The following GBF1 variants were observed in gnomAD, a reference collection of about 807,000 sequenced individuals.
GBF1 encodes the protein Golgi-specific brefeldin A-resistance guanine nucleotide exchange factor 1.
GBF1 carries 114 observed loss-of-function variants against 210.5 expected under a neutral mutation model. The ratio of observed to expected loss-of-function variants is 0.54; its 90% confidence interval spans 0.47 to 0.63. The LOEUF (loss-of-function observed/expected upper bound fraction) is 0.63, where lower values mean the gene tolerates loss of function less well. Ranked by LOEUF, GBF1 falls within the 30% of genes least tolerant of loss-of-function variation. The pLI, the probability that GBF1 is intolerant of heterozygous loss-of-function variation, is 0.00. For synonymous variants in GBF1, 850 were observed against 889.2 expected, an observed-to-expected ratio of 0.96 and a Z score of 0.78; for missense variants, 1,851 against 2,357.7, an observed-to-expected ratio of 0.79 and a Z score of 4.45.
At chr10:102,273,794 T>C (rs2074660293) in intron 3 of GBF1, among the ~76,000 whole-genome samples, 1 of 152,252 alleles carries the variant, frequency 6.6e-6, no homozygotes, top group Admixed American at 6.5e-5. Flanking sequence ...TGAGCCTATT[T>C]GAGTCGTTAT....
At chr10:102,260,239 C>T in intron 3 of GBF1, 123 bp downstream of exon 3, 2 of 536,876 alleles carry the variant, frequency 3.7e-6, no homozygotes, top group Non-Finnish European at 6.7e-6. Flanking sequence ...CTTTGTGGGC[C>T]ATACACAACT....
At chr10:102,374,891 C>T (rs2060406558) in intron 29 of GBF1, among the ~76,000 whole-genome samples, 1 of 152,068 alleles carries the variant, frequency 6.6e-6, no homozygotes, top group African/African-American at 2.4e-5. Flanking sequence ...GTATTTGAGG[C>T]TGGGTGCAGT....
At chr10:102,367,013 C>T in intron 19 of GBF1, 72 bp from the exon 20 acceptor site, 1 of 1,555,840 alleles carries the variant, frequency 6.4e-7, no homozygotes, top group Non-Finnish European at 8.8e-7. Context: ...TAGCACTGAC[C>T]AGTGGGTTGG....
At chr10:102,267,771 T>G (rs2074011819) in intron 3 of GBF1, among the ~76,000 whole-genome samples, 1 of 152,202 alleles carries the variant, frequency 6.6e-6, no homozygotes. Flanking sequence ...AGACAAATTT[T>G]GTGAAGGGCT....
Position 102,379,843 on chromosome 10 carries a change from C to A in GBF1, c.4777-10C>A, listed in dbSNP as rs2060729992. 3 of 1,597,768 alleles carry A rather than the reference C, an allele frequency of 1.9e-6. No homozygotes were observed. Among genetic ancestry groups the A allele is most frequent in the Non-Finnish European group, 2.6e-6 (3 of 1,165,498 alleles). ...CTCATAGGGAGACATTGCACATTTA[C>A]CCCCACCAGGTGCTGTTTCCTCTAC... On this transcript the variant is annotated splice_polypyrimidine_tract_variant and intron_variant, in intron 35 of 39. Transcript: ENST00000369983.
chr10:102,328,418 G>C (rs2134275300), intron 3 of GBF1, among the ~76,000 whole-genome samples: 1 of 152,244 alleles, frequency 6.6e-6, no homozygotes, highest in South Asian at 2.1e-4. Flanking sequence ...AGGATTACTT[G>C]AGAGGTTGCA....
At chr10:102,283,555 C>T (rs1230403502) in intron 3 of GBF1, among the ~76,000 whole-genome samples, 4 of 152,122 alleles carry the variant, frequency 2.6e-5, no homozygotes, top group Non-Finnish European at 2.9e-5. Context: ...TGCTAGGAGG[C>T]TGGGAGGTTG....
chr10:102,262,934 C>T (rs1213059634), intron 3 of GBF1, among the ~76,000 whole-genome samples: 1 of 152,136 alleles, frequency 6.6e-6, no homozygotes, highest in Non-Finnish European at 1.5e-5. Context: ...GCTAAGCTTT[C>T]CCCTGGAGTG....
At chr10:102,318,566 A>G (rs1175946859) in intron 3 of GBF1, among the ~76,000 whole-genome samples, 1 of 152,112 alleles carries the variant, frequency 6.6e-6, no homozygotes, top group Non-Finnish European at 1.5e-5. Context: ...TTTTTTGCTT[A>G]TCACTCTTAA....
the GBF1 span, among the ~76,000 whole-genome samples, chr10:102,237,162 T>A: frequency 6.6e-6 from 1 of 151,790 alleles, no homozygotes; most frequent in Non-Finnish European, 1.5e-5. Flanking sequence ...CTTGTAGGAG[T>A]CTGCAGTGTA....
intron 33 of GBF1, among the ~76,000 whole-genome samples, chr10:102,378,693 T>C (rs2060656917): frequency 6.6e-6 from 1 of 152,062 alleles, no homozygotes; most frequent in Non-Finnish European, 1.5e-5. Flanking sequence ...CCTGTAATCC[T>C]AAAACTTTGG....
chr10:102,294,677 A>G (rs1265363984), intron 3 of GBF1, among the ~76,000 whole-genome samples: 3 of 151,920 alleles, frequency 2.0e-5, no homozygotes, highest in Non-Finnish European at 4.4e-5. Context: ...TGCCCGGCCC[A>G]TTTTGTATCT....
At chr10:102,323,215 A>G (rs892628368) in intron 3 of GBF1, among the ~76,000 whole-genome samples, 3 of 138,320 alleles carry the variant, frequency 2.2e-5, no homozygotes, top group Non-Finnish European at 4.6e-5. Context: ...GACTGTGTAC[A>G]TGGCAGTTTA....
chr10:102,239,521 TA>T, the GBF1 span, among the ~76,000 whole-genome samples: 1 of 152,148 alleles, frequency 6.6e-6, no homozygotes, highest in African/African-American at 2.4e-5. Context: ...TTGATCAAAA[TA>T]GGGCAAATGA....
intron 31 of GBF1, 35 bp downstream of exon 31, chr10:102,376,467 C>G (rs1411621472): frequency 3.1e-6 from 5 of 1,612,532 alleles, no homozygotes; most frequent in Non-Finnish European, 4.2e-6. Flanking sequence ...TGAGTCTCTC[C>G]TGCTTGACCT....
chr10:102,304,129 C>G (rs1207890484), intron 3 of GBF1, among the ~76,000 whole-genome samples: 1 of 152,006 alleles, frequency 6.6e-6, no homozygotes, highest in Non-Finnish European at 1.5e-5. Context: ...AAAAATGGTA[C>G]ATAAGGTTTA....
chr10:102,271,338 A>G (rs948876111), intron 3 of GBF1, among the ~76,000 whole-genome samples: 1 of 151,860 alleles, frequency 6.6e-6, no homozygotes, highest in Non-Finnish European at 1.5e-5. Flanking sequence ...CACCTGGCCC[A>G]TGCCTAGCTA....
chr10:102,368,569 GT>G, intron 22 of GBF1, 115 bp downstream of exon 22: 1 of 838,790 alleles, frequency 1.2e-6, no homozygotes, highest in Non-Finnish European at 1.9e-6. Flanking sequence ...TTCCCCCTGA[GT>G]TTTTGGAGGG....
At chr10:102,354,919 T>C (rs2059205276) in intron 8 of GBF1, among the ~76,000 whole-genome samples, 1 of 151,780 alleles carries the variant, frequency 6.6e-6, no homozygotes, top group African/African-American at 2.4e-5. Flanking sequence ...GGATCTTTTT[T>C]TTTTTTTTTT....
Sources: allele counts gnomAD v4.1 joint callset (sites outside exome capture counted in the v4.1 genomes callset), GRCh38; gene constraint gnomAD v4.1.1; transcripts MANE v1.5; gene names NCBI Gene and HGNC (gene_info 2026-07-23, HGNC 2026-07-21).